CAMTA1: variants seen among roughly 807,000 people sequenced by gnomAD.
CAMTA1 encodes the protein calmodulin-binding transcription activator 1.
A neutral mutation model predicts 170.9 loss-of-function variants in CAMTA1; 27 were observed. That is an observed-to-expected ratio of 0.16 (90% CI 0.12 to 0.22). The LOEUF (loss-of-function observed/expected upper bound fraction) is 0.22. Among genes scored for constraint, CAMTA1 ranks in the 10% least tolerant of loss-of-function variants. The probability of loss-of-function intolerance (pLI) is 1.00; values close to 1 mark genes in which losing one functional copy is unlikely to be tolerated. For missense variants in CAMTA1, 1,619 were observed against 2,217.2 expected, an observed-to-expected ratio of 0.73 and a Z score of 5.42; for synonymous variants, 833 against 891.5, an observed-to-expected ratio of 0.93 and a Z score of 1.17.
At chr1:7,608,040 C>G (rs999636671) in intron 6 of CAMTA1, among the ~76,000 whole-genome samples, 3 of 152,182 alleles carry the variant, frequency 2.0e-5, no homozygotes, top group African/African-American at 7.2e-5. Flanking sequence ...ATAGTTCCTC[C>G]TGAGCCCCTG....
At chr1:6,834,672 C>T (rs1257115778) in intron 3 of CAMTA1, 3 of 156,308 alleles carry the variant, frequency 1.9e-5, no homozygotes, top group Non-Finnish European at 2.8e-5. Flanking sequence ...GAGTCGTGCT[C>T]TGTTGTCCTG....
chr1:7,568,883 G>A (rs111067968), intron 6 of CAMTA1, among the ~76,000 whole-genome samples: 20,604 of 120,952 alleles, frequency 0.17, 4,691 homozygotes, highest in African/African-American at 0.52. Flanking sequence ...CATCATCACC[G>A]CATCACCATC....
chr1:7,182,739 A>G (rs2148896606), intron 4 of CAMTA1, among the ~76,000 whole-genome samples: 1 of 152,338 alleles, frequency 6.6e-6, no homozygotes, highest in South Asian at 2.1e-4. Flanking sequence ...AGCTGTTATC[A>G]TTGAGGAAGG....
chr1:7,190,676 A>G (rs949766829), intron 4 of CAMTA1, among the ~76,000 whole-genome samples: 6 of 152,216 alleles, frequency 3.9e-5, no homozygotes, highest in Non-Finnish European at 8.8e-5. Context: ...ATAGAAAAAA[A>G]CAAATATAGT....
chr1:6,878,469 T>C (rs1461612672), intron 3 of CAMTA1, among the ~76,000 whole-genome samples: 1 of 152,222 alleles, frequency 6.6e-6, no homozygotes, highest in Non-Finnish European at 1.5e-5. Flanking sequence ...ATTCTGATTT[T>C]TCAGGCATTG....
At position 7,492,043 on chromosome 1, in the gene CAMTA1, T is replaced by G. The variant is rs529333839; in HGVS notation, c.510+24142T>G. Among the ~76,000 whole-genome samples the G allele has an allele frequency of 5.3e-5, 8 of 152,252 alleles. No individual in the cohort carries two copies. In the South Asian group the frequency reaches 1.7e-3, roughly 32 times the overall value. On this transcript the variant is annotated intron_variant, in intron 6 of 22. Transcript: ENST00000303635. ...AAACAGGAGGCTCAAGGCCACTCCCTGGCTCTAGGGTGGAGTCGAGGAAAC... is the reference window on the plus strand; with the variant it reads ...AAACAGGAGGCTCAAGGCCACTCCCGGGCTCTAGGGTGGAGTCGAGGAAAC...
rs139146337 is a variant in CAMTA1 at position 7,454,247 on chromosome 1, C to G, written c.439-13583C>G. On this transcript the variant is annotated intron_variant, in intron 5 of 22. Coordinates refer to ENST00000303635, the MANE Select transcript of CAMTA1 (RefSeq NM_015215.4). The stretch of plus-strand genomic sequence containing the variant: ...CCTCACACTTCCTGGGCGGGAGTCC[C>G]CACTAGGTGGCCGCCTGAGCCATGG... Among the ~76,000 whole-genome samples, 738 of 152,024 alleles carry G rather than the reference C, an allele frequency of 4.9e-3. 4 individuals carry two copies. The highest frequency in any genetic ancestry group is 0.017 in the African/African-American group (707 of 41,488).
intron 3 of CAMTA1, among the ~76,000 whole-genome samples, chr1:7,051,979 G>A (rs1313721503): frequency 1.3e-5 from 2 of 151,416 alleles, no homozygotes; most frequent in Non-Finnish European, 2.9e-5. Context: ...CCGCTCAGGG[G>A]CTCTGGCTCT....
intron 3 of CAMTA1, among the ~76,000 whole-genome samples, chr1:6,900,554 A>T (rs1676707176): frequency 6.6e-6 from 1 of 152,190 alleles, no homozygotes; most frequent in African/African-American, 2.4e-5. Flanking sequence ...TGGAATCTAT[A>T]TAAAAAAAAA....
At chr1:7,046,885 C>T (rs74773863) in intron 3 of CAMTA1, among the ~76,000 whole-genome samples, 4,256 of 152,214 alleles carry the variant, frequency 0.028, 190 homozygotes, top group African/African-American at 0.098. Flanking sequence ...GAGCAGTGAC[C>T]ATCACAACTG....
At chr1:7,725,452 T>G (rs555665625) in intron 11 of CAMTA1, among the ~76,000 whole-genome samples, 183 of 152,210 alleles carry the variant, frequency 1.2e-3, no homozygotes, top group Non-Finnish European at 1.9e-3. Context: ...GTTGGGGTGC[T>G]TGAGAAGAAA....
intron 3 of CAMTA1, among the ~76,000 whole-genome samples, chr1:6,943,430 A>C (rs1329009822): frequency 6.6e-6 from 1 of 151,996 alleles, no homozygotes; most frequent in African/African-American, 2.4e-5. Flanking sequence ...CTGCACCAGA[A>C]ATAGGTGGCG....
At chr1:7,203,489 GTTT>G (rs34908605) in intron 4 of CAMTA1, among the ~76,000 whole-genome samples, 1 of 138,702 alleles carries the variant, frequency 7.2e-6, no homozygotes, top group Non-Finnish European at 1.6e-5. Context: ...CTTGTGGGTA[GTTT>G]TTTTTTTTTT....
At chr1:7,139,377 T>C (rs893157733) in intron 4 of CAMTA1, among the ~76,000 whole-genome samples, 3 of 149,002 alleles carry the variant, frequency 2.0e-5, no homozygotes, top group Admixed American at 6.8e-5. Flanking sequence ...TATATAAATA[T>C]ATCTCAAAGA....
Position 7,634,824 on chromosome 1 carries a change from G to A in CAMTA1, c.511-5576G>A, listed in dbSNP as rs747467636. On this transcript the variant is annotated intron_variant, in intron 6 of 22. Coordinates refer to ENST00000303635, the MANE Select transcript of CAMTA1 (RefSeq NM_015215.4). This position sits in a 1 kb window ranked among gnomAD's most constrained non-coding sequence, Gnocchi z 6.2. ...TGGTGGTGGTTGGTGGTGGTAGAGC[G>A]GGGCCTCTGTCTCTCCTGACGACAT... Among the ~76,000 whole-genome samples the A allele has an allele frequency of 1.3e-5, 2 of 152,114 alleles. No homozygotes were observed. Among genetic ancestry groups the A allele is most frequent in the Non-Finnish European group, 2.9e-5 (2 of 68,000 alleles).
chr1:7,306,463 A>G (rs1187344225), intron 5 of CAMTA1, among the ~76,000 whole-genome samples: 6 of 151,874 alleles, frequency 4.0e-5, no homozygotes, highest in Admixed American at 3.3e-4. Flanking sequence ...GTTTATTTCT[A>G]TTATGTCTCT....
At chr1:6,948,834 G>A (rs1241618778) in intron 3 of CAMTA1, among the ~76,000 whole-genome samples, 1 of 152,016 alleles carries the variant, frequency 6.6e-6, no homozygotes, top group Non-Finnish European at 1.5e-5. Context: ...TGCTTTCCTC[G>A]GACCACAAGG....
chr1:7,392,001 T>A (rs930698408), intron 5 of CAMTA1, among the ~76,000 whole-genome samples: 3 of 152,246 alleles, frequency 2.0e-5, no homozygotes, highest in Admixed American at 6.5e-5. Context: ...CATACATTTT[T>A]ATTTCTCTTG....
At chr1:7,727,602 T>C (rs1322293766) in intron 11 of CAMTA1, among the ~76,000 whole-genome samples, 1 of 152,262 alleles carries the variant, frequency 6.6e-6, no homozygotes, top group Non-Finnish European at 1.5e-5. Flanking sequence ...TCAAATGTAC[T>C]TATTTACTCT....
Sources: gnomAD v4.1 joint callset for allele counts (sites outside exome capture counted in the v4.1 genomes callset) on GRCh38, gnomAD v4.1.1 for gene constraint, Gnocchi (gnomAD v3.1) non-coding constraint, MANE v1.5 for transcripts, NCBI Gene and HGNC (gene_info 2026-07-23, HGNC 2026-07-21) for gene names.